Variants in RPP30 observed in about 807,000 individuals in gnomAD.
RPP30 encodes ribonuclease P/MRP subunit p30.
Under a neutral mutation model 38.6 loss-of-function variants are expected in RPP30, and 36 were observed. The ratio of observed to expected loss-of-function variants is 0.93; its 90% confidence interval spans 0.71 to 1.23. The LOEUF is 1.23. Ranked by LOEUF, RPP30 falls within the 50% of genes most tolerant of loss-of-function variation. The pLI is 0.00. For synonymous variants in RPP30, 126 were observed against 112.7 expected, an observed-to-expected ratio of 1.12 and a Z score of -0.75; for missense variants, 321 against 321.7, an observed-to-expected ratio of 1.00 and a Z score of 0.02.
chr10:90,904,745 G>A (rs779518333), downstream of RPP30, among the ~76,000 whole-genome samples: 3 of 152,192 alleles, frequency 2.0e-5, no homozygotes, highest in Non-Finnish European at 2.9e-5. Context: ...CCGGGAGGTA[G>A]AGGTTGCACT....
At chr10:90,904,153 C>T (rs1404447890), downstream of RPP30, among the ~76,000 whole-genome samples, 1 of 152,100 alleles carries the variant, frequency 6.6e-6, no homozygotes, top group Non-Finnish European at 1.5e-5. Flanking sequence ...TATAACAAAA[C>T]TCTAGTACTG....
chr10:90,891,162 G>A (rs1847077505), intron 6 of RPP30, among the ~76,000 whole-genome samples: 2 of 152,218 alleles, frequency 1.3e-5, no homozygotes, highest in African/African-American at 4.8e-5. Context: ...CTGCAAGTCT[G>A]AAATCAAGGT....
intron 1 of RPP30, among the ~76,000 whole-genome samples, chr10:90,874,369 G>C (rs1332613783): frequency 6.6e-6 from 1 of 152,170 alleles, no homozygotes; most frequent in Non-Finnish European, 1.5e-5. Flanking sequence ...CTTAGGAAAG[G>C]AGTCTCTGAA....
intron 6 of RPP30, among the ~76,000 whole-genome samples, chr10:90,889,686 G>C (rs1564713605): frequency 6.6e-6 from 1 of 152,162 alleles, no homozygotes; most frequent in Admixed American, 6.5e-5. Context: ...CAATAGGCCA[G>C]ATGCCATGTG....
At position 90,900,865 on chromosome 10, in the gene RPP30, A is replaced by G. The variant is rs753424486; in HGVS notation, c.*186A>G. On this transcript the variant is annotated 3_prime_UTR_variant, in exon 11 of 11. Coordinates refer to ENST00000371703, the MANE Select transcript of RPP30 (RefSeq NM_006413.5). The stretch of plus-strand genomic sequence containing the variant: ...GAAACCTAGTGAAGCATCTTTTTAA[A>G]AGGCTGCCAGCTTAATGAATTTAGA... 212 of 1,298,548 alleles carry G rather than the reference A, an allele frequency of 1.6e-4. No homozygotes were observed. The highest frequency in any genetic ancestry group is 1.9e-4 in the Non-Finnish European group (195 of 1,025,696). 80.4% of individuals were successfully genotyped at this position (1,298,548 alleles called of 1,614,324 possible).
At chr10:90,876,176 C>G (rs1007790058) in intron 4 of RPP30, 78 bp downstream of exon 4, 13 of 951,470 alleles carry the variant, frequency 1.4e-5, no homozygotes, top group Non-Finnish European at 2.2e-5. Flanking sequence ...TGCATTTTGT[C>G]TTCCCCATTT....
Position 90,874,183 on chromosome 10 carries a change from A to G in RPP30, c.83-686A>G, listed in dbSNP as rs530647774. ...ATCCCCATTGGTATTTTTAAAAATTAAAGATGGGAGTCATGATTTAGATTT... is the reference window on the plus strand; with the variant it reads ...ATCCCCATTGGTATTTTTAAAAATTGAAGATGGGAGTCATGATTTAGATTT... On this transcript the variant is annotated intron_variant, in intron 1 of 10. Transcript: ENST00000371703. Among the ~76,000 whole-genome samples, 3 of 152,332 alleles carry G rather than the reference A, an allele frequency of 2.0e-5. No individual in the cohort carries two copies. The South Asian group carries it at 6.2e-4, about 32-fold the overall frequency.
chr10:90,895,026 G>A, intron 7 of RPP30, 135 bp downstream of exon 7: 1 of 757,258 alleles, frequency 1.3e-6, no homozygotes, highest in Non-Finnish European at 2.4e-6. Context: ...TGCCATTTCA[G>A]TGAGCTCTGC....
intron 5 of RPP30, chr10:90,879,933 T>TA (rs1846901235): frequency 6.6e-6 from 1 of 152,234 alleles, no homozygotes; most frequent in African/African-American, 2.4e-5. Flanking sequence ...TAAAATGAGG[T>TA]ATAGCTACTT....
chr10:90,898,080 C>G (rs1257690713), intron 10 of RPP30, among the ~76,000 whole-genome samples: 5 of 152,152 alleles, frequency 3.3e-5, no homozygotes, highest in Non-Finnish European at 5.9e-5. Flanking sequence ...CTCAGCCCCC[C>G]ACTACCCTTC....
At chr10:90,904,795 G>C (rs1418498895), downstream of RPP30, among the ~76,000 whole-genome samples, 1 of 152,090 alleles carries the variant, frequency 6.6e-6, no homozygotes, top group African/African-American at 2.4e-5. Flanking sequence ...CTGGGCGACA[G>C]AATGAGACTC....
At chr10:90,895,857 A>G (rs767421586) in intron 8 of RPP30, 23 bp from the exon 9 acceptor site, 25 of 1,553,236 alleles carry the variant, frequency 1.6e-5, no homozygotes. Context: ...TCTCATATCT[A>G]CTCTTTGTTC....
chr10:90,907,617 T>C (rs1847267248), downstream of RPP30, among the ~76,000 whole-genome samples: 1 of 152,200 alleles, frequency 6.6e-6, no homozygotes. Context: ...ACATCAGACT[T>C]CACTGGCTTT....
intron 10 of RPP30, 73 bp from the exon 11 acceptor site, chr10:90,900,497 T>G (rs1156614160): frequency 3.4e-6 from 5 of 1,449,398 alleles, no homozygotes; most frequent in Non-Finnish European, 4.7e-6. Context: ...TAAGCCAAAG[T>G]AATATGTTAA....
At position 90,900,921 on chromosome 10, in the gene RPP30, C is replaced by T; in HGVS notation, c.*242C>T. ...TTTAAGAGAGAAAGACTGGTTATTT[C>T]TCCTTTGTGTAAGTGATAAACAACA... On this transcript the variant is annotated 3_prime_UTR_variant, in exon 11 of 11. Transcript: ENST00000371703. 8.2e-7 allele frequency: 1 copy of T among 1,215,086 alleles called. No homozygotes were observed. The highest frequency in any genetic ancestry group is 3.2e-4 in the Middle Eastern group (1 of 3,172). The allele number at this position is 1,215,086 out of a possible 1,614,324, so 75.3% of individuals were successfully genotyped here.
At chr10:90,886,026 G>A in intron 6 of RPP30, 125 bp downstream of exon 6, 1 of 581,944 alleles carries the variant, frequency 1.7e-6, no homozygotes, top group South Asian at 2.7e-5. Flanking sequence ...GGCAGTTTTA[G>A]AAAAGAGAAT....
At chr10:90,903,229 T>A (rs1173485589), downstream of RPP30, 6 of 1,607,628 alleles carry the variant, frequency 3.7e-6, no homozygotes, top group African/African-American at 2.7e-5. Context: ...TGATCTCTCA[T>A]CAGAGAGATC....
chr10:90,896,761 AAACT>A (rs1358028420), intron 10 of RPP30, among the ~76,000 whole-genome samples: 1 of 152,190 alleles, frequency 6.6e-6, no homozygotes, highest in Non-Finnish European at 1.5e-5. Flanking sequence ...AATATGTGTT[AAACT>A]ATTTATTAGG....
intron 6 of RPP30, among the ~76,000 whole-genome samples, chr10:90,888,127 C>T (rs1847024724): frequency 6.6e-6 from 1 of 152,220 alleles, no homozygotes; most frequent in Non-Finnish European, 1.5e-5. Context: ...GTAGCACCCC[C>T]AGAGTTGGGC....
Sources: allele counts gnomAD v4.1 joint callset (sites outside exome capture counted in the v4.1 genomes callset), GRCh38; gene constraint gnomAD v4.1.1; transcripts MANE v1.5; gene names NCBI Gene and HGNC (gene_info 2026-07-23, HGNC 2026-07-21).